KLHL20: variants seen among roughly 807,000 people sequenced by gnomAD.
KLHL20 encodes the protein kelch like family member 20, also known as kelch-like protein 20.
In KLHL20, 29 loss-of-function variants were observed where a neutral mutation model predicts 69.5. The ratio of observed to expected loss-of-function variants is 0.42; its 90% CI spans 0.31 to 0.57. KLHL20 has a LOEUF of 0.57. Ranked by LOEUF, KLHL20 falls within the 20% of genes least tolerant of loss-of-function variation. The pLI, the probability that KLHL20 is intolerant of heterozygous loss-of-function variation, is 0.18. For synonymous variants in KLHL20, 253 were observed against 265.2 expected (o/e 0.95, Z 0.45); for missense variants, 419 against 776.0 (o/e 0.54, Z 5.47).
chr1:173,774,463 G>A (rs368118196), intron 9 of KLHL20, 25 bp downstream of exon 9: 4 of 1,613,274 alleles, frequency 2.5e-6, no homozygotes, highest in Admixed American at 1.7e-5. Context: ...AAGGCAATCA[G>A]GTTCCCCAAA....
At chr1:173,764,774 A>G (rs1214824566) in intron 7 of KLHL20, among the ~76,000 whole-genome samples, 1 of 152,146 alleles carries the variant, frequency 6.6e-6, no homozygotes, top group African/African-American at 2.4e-5. Context: ...ATATGGTGCC[A>G]TGTATACTGA....
At chr1:173,719,208 A>G (rs1447755710) in intron 2 of KLHL20, among the ~76,000 whole-genome samples, 1 of 152,082 alleles carries the variant, frequency 6.6e-6, no homozygotes, top group Non-Finnish European at 1.5e-5. Flanking sequence ...TATGCACCTT[A>G]GTTAACCAGT....
intron 3 of KLHL20, among the ~76,000 whole-genome samples, chr1:173,740,989 G>C (rs532006822): frequency 1.3e-5 from 2 of 152,300 alleles, no homozygotes; most frequent in African/African-American, 4.8e-5. Flanking sequence ...ACTGCCTACA[G>C]GGCTTTTCCT....
At position 173,763,331 on chromosome 1, in the gene KLHL20, A is replaced by G. The variant is rs1020783634; in HGVS notation, c.1152-2815A>G. Among the ~76,000 whole-genome samples, 5 of 152,188 alleles carry G rather than the reference A, an allele frequency of 3.3e-5. No homozygotes were observed. In the East Asian group the frequency reaches 5.8e-4, roughly 18 times the overall value. On this transcript the variant is annotated intron_variant, in intron 7 of 11. Transcript: ENST00000209884. Reference sequence around the variant, plus strand: ...ATTGCCAAAGCAATCTACAAATTCAATGCAATCACCATCAGAATACCACCA... The same window carrying G: ...ATTGCCAAAGCAATCTACAAATTCAGTGCAATCACCATCAGAATACCACCA...
intron 3 of KLHL20, among the ~76,000 whole-genome samples, chr1:173,745,511 A>G (rs907818954): frequency 6.6e-6 from 1 of 152,096 alleles, no homozygotes; most frequent in South Asian, 2.1e-4. Context: ...TGCTATCAAA[A>G]ATAGGTTTTT....
chr1:173,784,949 TGTCA>T (rs1411581060), intron 11 of KLHL20, among the ~76,000 whole-genome samples: 5 of 152,240 alleles, frequency 3.3e-5, no homozygotes, highest in Admixed American at 1.3e-4. Flanking sequence ...AGTGAGAGCA[TGTCA>T]GTCAATCTCT....
chr1:173,763,404 A>G (rs1647448716), intron 7 of KLHL20, among the ~76,000 whole-genome samples: 1 of 152,204 alleles, frequency 6.6e-6, no homozygotes, highest in Non-Finnish European at 1.5e-5. Flanking sequence ...TTCATATGGA[A>G]CCAAAAAAGA....
chr1:173,782,514 G>A (rs1338120182), intron 11 of KLHL20, among the ~76,000 whole-genome samples: 1 of 151,880 alleles, frequency 6.6e-6, no homozygotes, highest in East Asian at 1.9e-4. Flanking sequence ...GGAAACAAAA[G>A]CACCGAGAAA....
chr1:173,733,241 C>T (rs1022447974), intron 2 of KLHL20, among the ~76,000 whole-genome samples: 3 of 151,966 alleles, frequency 2.0e-5, no homozygotes, highest in African/African-American at 7.3e-5. Flanking sequence ...AGGCTGGTTT[C>T]GAACTCCTGG....
chr1:173,748,176 C>T (rs1383087464), intron 3 of KLHL20, among the ~76,000 whole-genome samples: 2 of 151,836 alleles, frequency 1.3e-5, no homozygotes, highest in Non-Finnish European at 2.9e-5. Context: ...ATTTAAAAAC[C>T]TTCTCACAAA....
chr1:173,732,600 G>T (rs1471496347), intron 2 of KLHL20, among the ~76,000 whole-genome samples: 1 of 152,044 alleles, frequency 6.6e-6, no homozygotes, highest in Non-Finnish European at 1.5e-5. Flanking sequence ...ATTTTTTAAT[G>T]CTTCTTATGA....
chr1:173,728,730 C>T (rs1558184169), intron 2 of KLHL20, among the ~76,000 whole-genome samples: 1 of 152,030 alleles, frequency 6.6e-6, no homozygotes, highest in African/African-American at 2.4e-5. Flanking sequence ...ATCTCTGGGA[C>T]ACATTCAAAG....
intron 7 of KLHL20, among the ~76,000 whole-genome samples, chr1:173,761,011 G>A (rs1647258019): frequency 6.6e-6 from 1 of 152,096 alleles, no homozygotes; most frequent in Non-Finnish European, 1.5e-5. Flanking sequence ...AACACATAAG[G>A]ACTCACATAA....
chr1:173,782,352 A>C, intron 11 of KLHL20, 122 bp downstream of exon 11: 1 of 608,576 alleles, frequency 1.6e-6, no homozygotes, highest in Non-Finnish European at 2.9e-6. Flanking sequence ...AGAGGGCTGA[A>C]GTTACACATA....
intron 8 of KLHL20, among the ~76,000 whole-genome samples, chr1:173,771,939 G>A (rs994119026): frequency 6.6e-6 from 1 of 152,210 alleles, no homozygotes; most frequent in African/African-American, 2.4e-5. Flanking sequence ...AAGGAAATGA[G>A]TATGCATTAT....
intron 3 of KLHL20, among the ~76,000 whole-genome samples, chr1:173,742,156 A>G (rs1253237258): frequency 2.0e-5 from 3 of 152,218 alleles, no homozygotes; most frequent in Non-Finnish European, 2.9e-5. Flanking sequence ...ACTAAAACAC[A>G]AAACTACATC....
chr1:173,774,032 GAGAA>G (rs898881569), intron 8 of KLHL20, among the ~76,000 whole-genome samples: 12 of 139,046 alleles, frequency 8.6e-5, no homozygotes, highest in Non-Finnish European at 1.3e-4. Flanking sequence ...AAAAAAAAAA[GAGAA>G]AGAGCCTGTG....
chr1:173,746,767 G>A lies in KLHL20; in HGVS notation c.598-4997G>A, dbSNP rs1363773680. Among the ~76,000 whole-genome samples the A allele has an allele frequency of 2.6e-5, 4 of 151,608 alleles. No individual in the cohort carries two copies. The East Asian group carries it at 7.7e-4, about 29-fold the overall frequency. ...CTGGTTTTACCTTTATTATCTTCTT[G>A]CTTGTACTTTCTTTTGGCTTATTCT... On this transcript the variant is annotated intron_variant, in intron 3 of 11. Coordinates refer to ENST00000209884, the MANE Select transcript of KLHL20 (RefSeq NM_014458.4).
intron 8 of KLHL20, among the ~76,000 whole-genome samples, chr1:173,773,262 A>C (rs1571928407): frequency 6.8e-6 from 1 of 147,970 alleles, no homozygotes. Flanking sequence ...ATGAGCCACC[A>C]CACACAGCCT....
Sources: allele counts gnomAD v4.1 joint callset (sites outside exome capture counted in the v4.1 genomes callset), GRCh38; gene constraint gnomAD v4.1.1; transcripts MANE v1.5; gene names NCBI Gene and HGNC (gene_info 2026-07-23, HGNC 2026-07-21).